SYT11: variants seen among roughly 807,000 people sequenced by gnomAD.
SYT11 encodes synaptotagmin-11.
SYT11 carries 12 observed loss-of-function variants against 30.4 expected under a neutral mutation model. That is an observed-to-expected ratio of 0.39 (90% CI 0.25 to 0.64). SYT11 has a LOEUF of 0.64. Among genes scored for constraint, SYT11 ranks in the 30% least tolerant of loss-of-function variants. The pLI is 0.45. For synonymous variants in SYT11, 204 were observed against 216.0 expected, an observed-to-expected ratio of 0.94 and a Z score of 0.49; for missense variants, 412 against 552.0, an observed-to-expected ratio of 0.75 and a Z score of 2.54.
chr1:155,878,901 T>A (rs2025575), intron 2 of SYT11, among the ~76,000 whole-genome samples: 109,653 of 147,140 alleles, frequency 0.75, 41,263 homozygotes, highest in Middle Eastern at 0.84. Context: ...ATAAATAAAT[T>A]AATTAATTAA....
chr1:155,880,694 A>G, intron 3 of SYT11, 71 bp downstream of exon 3: 1 of 1,571,676 alleles, frequency 6.4e-7, no homozygotes, highest in East Asian at 2.3e-5. Flanking sequence ...GCCCAGATAG[A>G]CCTCCACACT....
chr1:155,860,600 T>G lies in SYT11; in HGVS notation c.34+805T>G, dbSNP rs1672548561. Among the ~76,000 whole-genome samples, 1 of 151,844 alleles carries G rather than the reference T, an allele frequency of 6.6e-6. No homozygotes were observed. The highest frequency in any genetic ancestry group is 6.6e-5 in the Admixed American group (1 of 15,262). On this transcript the variant is annotated intron_variant, in intron 1 of 3. Coordinates refer to ENST00000368324, the MANE Select transcript of SYT11 (RefSeq NM_152280.5). This position sits in a 1 kb window ranked among gnomAD's most constrained non-coding sequence, Gnocchi z 4.1. Reference sequence around the variant, plus strand: ...AGCGTTGATGCTGGCGGGGGCGCGATCCAGGCCGGAGGGGGAGGGGCGAAA... The same window carrying G: ...AGCGTTGATGCTGGCGGGGGCGCGAGCCAGGCCGGAGGGGGAGGGGCGAAA...
Position 155,881,416 on chromosome 1 carries a change from A to G in SYT11, c.1204A>G (p.Ser402Gly), listed in dbSNP as rs1672959566. 1 of 1,614,038 alleles carries G rather than the reference A, an allele frequency of 6.2e-7. No homozygotes were observed. Residue 402 changes from serine (S) to glycine (G), a missense_variant, in exon 4 of 4, where the codon AGT (serine) becomes GGT (glycine). Transcript: ENST00000368324. ...GGGGAGGCTGATCCTGGGGGCACAC[A>G]GTGTCACAGCCAGTGGTGCTGAACA... ...VVGRLILGAH[S>G]VTASGAEHWR...
intron 1 of SYT11, among the ~76,000 whole-genome samples, chr1:155,862,688 GA>G (rs1165879082): frequency 6.6e-6 from 1 of 152,210 alleles, no homozygotes; most frequent in African/African-American, 2.4e-5. Flanking sequence ...AGAGCCAAAA[GA>G]ATTGCCCAGG....
chr1:155,869,276 T>TTC (rs1216503921), intron 2 of SYT11, among the ~76,000 whole-genome samples: 1 of 142,218 alleles, frequency 7.0e-6, no homozygotes, highest in East Asian at 2.0e-4. Context: ...TTTTTTTTTT[T>TTC]TTTTTTTTTT....
intron 2 of SYT11, among the ~76,000 whole-genome samples, chr1:155,878,592 G>A (rs1377717746): frequency 4.6e-5 from 7 of 152,116 alleles, no homozygotes; most frequent in South Asian, 2.1e-4. Context: ...ATGGCCGGGC[G>A]CGGTGGCTCA....
chr1:155,878,588 G>A (rs910340467), intron 2 of SYT11, among the ~76,000 whole-genome samples: 2 of 152,026 alleles, frequency 1.3e-5, no homozygotes, highest in South Asian at 2.1e-4. Context: ...CTCCATGGCC[G>A]GGCGCGGTGG....
At chr1:155,876,235 C>CTTTTTTTTTTTT (rs67952920) in intron 2 of SYT11, among the ~76,000 whole-genome samples, 7 of 96,132 alleles carry the variant, frequency 7.3e-5, no homozygotes, top group Admixed American at 1.6e-4. Flanking sequence ...ACTCACCTCC[C>CTTTTTTTTTTTT]TTTTTTTTTT....
Position 155,868,626 on chromosome 1 carries a change from C to T in SYT11, c.696C>T (p.Ile232=), listed in dbSNP as rs1193372026. The change falls in exon 2 of 4, where the codon ATC becomes ATT. Residue 232 remains isoleucine, a synonymous_variant. Transcript: ENST00000368324. The surrounding 1 kb of genome is among the most constrained non-coding windows in gnomAD (Gnocchi z 4.7). ...VFDETFTFYG[I]PYSQLQDLVL... ...ACGAGACCTTCACCTTCTATGGCATCCCCTACAGCCAGCTGCAGGACCTGG... is the reference window on the plus strand; with the variant it reads ...ACGAGACCTTCACCTTCTATGGCATTCCCTACAGCCAGCTGCAGGACCTGG... The T allele has an allele frequency of 1.9e-6, 3 of 1,614,104 alleles. No individual in the cohort carries two copies. Among genetic ancestry groups the T allele is most frequent in the Non-Finnish European group, 2.5e-6 (3 of 1,180,046 alleles).
At chr1:155,876,234 C>CTT in intron 2 of SYT11, among the ~76,000 whole-genome samples, 1 of 117,498 alleles carries the variant, frequency 8.5e-6, no homozygotes, top group African/African-American at 2.9e-5. Context: ...AACTCACCTC[C>CTT]CTTTTTTTTT....
intron 1 of SYT11, among the ~76,000 whole-genome samples, chr1:155,864,469 C>A (rs1309030143): frequency 6.6e-6 from 1 of 152,020 alleles, no homozygotes; most frequent in Non-Finnish European, 1.5e-5. Flanking sequence ...AAGATAAACC[C>A]TTCATCTAGG....
At chr1:155,878,823 C>T (rs559258602) in intron 2 of SYT11, among the ~76,000 whole-genome samples, 44 of 151,794 alleles carry the variant, frequency 2.9e-4, no homozygotes, top group African/African-American at 8.9e-4. Flanking sequence ...GCCGAGGTCT[C>T]GCCACTACAC....
chr1:155,868,732 G>T lies in SYT11; in HGVS notation c.802G>T (p.Val268Leu), dbSNP rs932524497. Residue 268 changes from valine (V) to leucine (L), a missense_variant, in exon 2 of 4, where the codon GTG becomes TTG. Transcript: ENST00000368324. This position sits in a 1 kb window ranked among gnomAD's most constrained non-coding sequence, Gnocchi z 4.7. ...CGAGGTCATGGTGCCACTGGCAGGG[G>T]TGGACCCCAGCACAGGCAAGGTACA... ...IGEVMVPLAG[V>L]DPSTGKVQLT... is the part of the protein sequence containing the mutation. The T allele has an allele frequency of 2.5e-6, 4 of 1,614,104 alleles. No individual in the cohort carries two copies. In the African/African-American group the frequency reaches 5.3e-5, roughly 22 times the overall value.
At position 155,868,503 on chromosome 1, in the gene SYT11, C is replaced by T. The variant is rs1672726095; in HGVS notation, c.573C>T (p.Thr191=). 5 of 1,614,100 alleles carry T rather than the reference C, an allele frequency of 3.1e-6. No individual in the cohort carries two copies. Among genetic ancestry groups the T allele is most frequent in the Non-Finnish European group, 4.2e-6 (5 of 1,179,996 alleles). ...AHGLPVMDDQ[T]QGSDPYIKMT... Reference sequence around the variant, plus strand: ...GGCTGCCAGTGATGGATGACCAGACCCAGGGATCTGACCCCTACATCAAAA... The same window carrying T: ...GGCTGCCAGTGATGGATGACCAGACTCAGGGATCTGACCCCTACATCAAAA... Residue 191 remains threonine, a synonymous_variant, in exon 2 of 4, where the codon ACC becomes ACT. Transcript: ENST00000368324. This position sits in a 1 kb window ranked among gnomAD's most constrained non-coding sequence, Gnocchi z 4.7.
Position 155,881,392 on chromosome 1 carries a change from G to A in SYT11, c.1180G>A (p.Gly394Arg). Residue 394 changes from glycine to arginine, a missense_variant, in exon 4 of 4, where the codon GGG becomes AGG. Coordinates refer to ENST00000368324, the MANE Select transcript of SYT11 (RefSeq NM_152280.5). The part of the protein sequence containing the change: ...FDRTTKNEVV[G>R]RLILGAHSVT... ...TCGCACCACCAAGAATGAGGTGGTG[G>A]GGAGGCTGATCCTGGGGGCACACAG... 1 of 1,614,070 alleles carries A rather than the reference G, an allele frequency of 6.2e-7. No individual in the cohort carries two copies. The highest frequency in any genetic ancestry group is 8.5e-7 in the Non-Finnish European group (1 of 1,180,028).
rs1672734390 is a variant in SYT11, at chr1:155,868,799, G to C, written c.861+8G>C. 1 of 1,605,482 alleles carries C rather than the reference G, an allele frequency of 6.2e-7. No homozygotes were observed. Among genetic ancestry groups the C allele is most frequent in the African/African-American group, 1.3e-5 (1 of 74,926 alleles). ...ATCAAAAGGAATATCCAGGTGAGTAGGAAGTGTGTGTTGGGGAGCAATGGT... is the reference window on the plus strand; with the variant it reads ...ATCAAAAGGAATATCCAGGTGAGTACGAAGTGTGTGTTGGGGAGCAATGGT... On this transcript the variant is annotated splice_region_variant and intron_variant, in intron 2 of 3. Coordinates refer to ENST00000368324, the MANE Select transcript of SYT11 (RefSeq NM_152280.5). The surrounding 1 kb of genome is among the most constrained non-coding windows in gnomAD (Gnocchi z 4.7).
chr1:155,859,889 A>G (rs1672522552), intron 1 of SYT11, 94 bp downstream of exon 1: 3 of 1,247,806 alleles, frequency 2.4e-6, no homozygotes, highest in Non-Finnish European at 2.4e-6. Context: ...AGCCCAGACC[A>G]GAGCCTTCAA....
rs747603431 is a variant in SYT11 at position 155,868,462 on chromosome 1, A to G, written c.532A>G (p.Ile178Val). ...NFPKKALVVTIQEAHGLPVMD... is the reference protein window; with the variant it reads ...NFPKKALVVTVQEAHGLPVMD... ...CCCGAAAAAAGCCCTGGTGGTGACA[A>G]TCCAGGAGGCCCATGGGCTGCCAGT... Residue 178 changes from isoleucine (I) to valine (V), a missense_variant, in exon 2 of 4, where the codon ATC becomes GTC. By Grantham distance (29) the Ile-to-Val change is conservative. Transcript: ENST00000368324. This position sits in a 1 kb window ranked among gnomAD's most constrained non-coding sequence, Gnocchi z 4.7. 2 of 1,613,946 alleles carry G rather than the reference A, an allele frequency of 1.2e-6. No individual in the cohort carries two copies. The highest frequency in any genetic ancestry group is 1.7e-6 in the Non-Finnish European group (2 of 1,179,992).
chr1:155,868,226 C>A lies in SYT11; in HGVS notation c.296C>A (p.Ala99Glu). 1 of 1,614,134 alleles carries A rather than the reference C, an allele frequency of 6.2e-7. No individual in the cohort carries two copies. Among genetic ancestry groups the A allele is most frequent in the Non-Finnish European group, 8.5e-7 (1 of 1,180,024 alleles). The change falls in exon 2 of 4, where the codon GCA becomes GAA. Residue 99 changes from alanine (A) to glutamate (E), a missense_variant. Coordinates refer to ENST00000368324, the MANE Select transcript of SYT11 (RefSeq NM_152280.5). This position sits in a 1 kb window ranked among gnomAD's most constrained non-coding sequence, Gnocchi z 4.7. ...CGTAGGAACCTGTTGGTGGACGCAG[C>A]AGAGGCTGGCCTGCTAAGCCGAGAC... Reference protein sequence around the residue: ...GGRRNLLVDAAEAGLLSRDKD... With the variant: ...GGRRNLLVDAEEAGLLSRDKD...
Sources: gnomAD v4.1 joint callset for allele counts (sites outside exome capture counted in the v4.1 genomes callset) on GRCh38, gnomAD v4.1.1 for gene constraint, Gnocchi (gnomAD v3.1) non-coding constraint, MANE v1.5 for transcripts, NCBI Gene and HGNC (gene_info 2026-07-23, HGNC 2026-07-21) for gene names.